Variants in MORN1 observed in about 807,000 individuals in gnomAD.
MORN1 encodes MORN repeat containing 1, also known as MORN repeat-containing protein 1.
MORN1 carries 67 observed loss-of-function variants against 61.9 expected under a neutral mutation model. The observed-to-expected ratio is 1.08, with a 90% CI of 0.89 to 1.33. The LOEUF is 1.33. Among genes scored for constraint, MORN1 ranks in the 40% most tolerant of loss-of-function variants. The pLI is 0.00. For synonymous variants in MORN1, 301 were observed against 292.0 expected, an observed-to-expected ratio of 1.03 and a Z score of -0.31; for missense variants, 752 against 691.2, an observed-to-expected ratio of 1.09 and a Z score of -0.99.
At chr1:2,381,302 C>T (rs918116470) in intron 6 of MORN1, among the ~76,000 whole-genome samples, 3 of 152,254 alleles carry the variant, frequency 2.0e-5, no homozygotes, top group Non-Finnish European at 4.4e-5. Flanking sequence ...GCGTCTACAT[C>T]GGTCTGGGCA....
At chr1:2,323,312 G>A in intron 13 of MORN1, 1 of 985,432 alleles carries the variant, frequency 1.0e-6, no homozygotes, top group Non-Finnish European at 1.2e-6. Context: ...GCCAGAGGCA[G>A]CTCCACGGTG....
At chr1:2,390,863 C>T (rs1438276550) in intron 1 of MORN1, 1 of 530,916 alleles carries the variant, frequency 1.9e-6, no homozygotes, top group Non-Finnish European at 2.4e-6. Context: ...ATTCTCCTGC[C>T]TCAGCCTCCC....
intron 10 of MORN1, among the ~76,000 whole-genome samples, chr1:2,348,358 C>T (rs1456236124): frequency 6.6e-6 from 1 of 152,216 alleles, no homozygotes; most frequent in Non-Finnish European, 1.5e-5. Context: ...TTTCACTGAC[C>T]CAGAACCAGT....
In MORN1 at chr1:2,372,385, C is replaced by T; in HGVS notation, c.745+96G>A. ...GAAGTCACTGCTGTGCCTCAGGAGC[C>T]ACATGCAACATCTCGTCCGCATCTT... On this transcript the variant is annotated intron_variant, in intron 8 of 13. Coordinates refer to ENST00000378531, the MANE Select transcript of MORN1 (RefSeq NM_024848.3). This position sits in a 1 kb window ranked among gnomAD's most constrained non-coding sequence, Gnocchi z 5.4. 2.1e-6 allele frequency: 2 copies of T among 936,910 alleles called. No individual in the cohort carries two copies. Among genetic ancestry groups the T allele is most frequent in the African/African-American group, 1.7e-5 (1 of 60,418 alleles). The allele number at this position is 936,910 out of a possible 1,614,324, so 58.0% of individuals were successfully genotyped here. A position where few individuals can be genotyped will look rare whatever the true frequency, so the allele number is the denominator to read the frequency against.
rs745669320 is a variant in MORN1, at chr1:2,385,049, C to G, written c.466G>C (p.Asp156His). 1.9e-6 allele frequency: 3 copies of G among 1,596,112 alleles called. No homozygotes were observed. The African/African-American group carries it at 4.0e-5, about 21-fold the overall frequency. The change falls in exon 6 of 14, where the codon GAC (aspartate) becomes CAC (histidine). Residue 156 changes from aspartate to histidine, a missense_variant. Asp to His is a moderately conservative substitution (Grantham distance 81). Transcript: ENST00000378531. ...QMLFQNGDKY[D>H]GDWVRDRRQG... ...CGCCGGTCCCGGACCCAGTCGCCGT[C>G]GTACTTGTCACCGTTCCTGGGGGAC...
chr1:2,380,823 TGA>T (rs1299708041), intron 6 of MORN1, among the ~76,000 whole-genome samples: 1 of 152,206 alleles, frequency 6.6e-6, no homozygotes, highest in African/African-American at 2.4e-5. Flanking sequence ...CCCAAAGTGC[TGA>T]GAGTACAGGT....
chr1:2,325,742 C>T (rs1453176968), intron 12 of MORN1, among the ~76,000 whole-genome samples: 1 of 151,466 alleles, frequency 6.6e-6, no homozygotes, highest in Non-Finnish European at 1.5e-5. Context: ...CAGACTCAAC[C>T]TCCCAAGTAG....
chr1:2,327,889 A>G (rs905347327), intron 12 of MORN1, among the ~76,000 whole-genome samples: 1 of 152,228 alleles, frequency 6.6e-6, no homozygotes, highest in African/African-American at 2.4e-5. Context: ...GCGTCCCCGC[A>G]TGAGCTCCTG....
chr1:2,363,809 A>AAACAAAC (rs1641945274), intron 8 of MORN1, among the ~76,000 whole-genome samples: 1 of 59,766 alleles, frequency 1.7e-5, no homozygotes, highest in Non-Finnish European at 3.4e-5. Flanking sequence ...AACAAACAAA[A>AAACAAAC]AAATATATAT....
chr1:2,387,917 C>T (rs1244777689), intron 3 of MORN1: 3 of 419,422 alleles, frequency 7.2e-6, no homozygotes, highest in East Asian at 7.9e-5. Context: ...CCTGGACACA[C>T]AGCTCCCGGC....
At chr1:2,348,622 C>CGCACGCACACACGCACCTGTGCAG (rs1641568665) in intron 10 of MORN1, among the ~76,000 whole-genome samples, 1 of 150,854 alleles carries the variant, frequency 6.6e-6, no homozygotes. Flanking sequence ...TAGGCAGGCA[C>CGCACGCACACACGCACCTGTGCAG]GCACGCACAC....
At chr1:2,335,941 ACCGG>A (rs1641264239) in intron 12 of MORN1, among the ~76,000 whole-genome samples, 1 of 151,654 alleles carries the variant, frequency 6.6e-6, no homozygotes, top group African/African-American at 2.4e-5. Context: ...TCCTGGTAGA[ACCGG>A]CCGGTTACGG....
At chr1:2,342,709 G>A (rs780771906) in intron 10 of MORN1, among the ~76,000 whole-genome samples, 17 of 152,006 alleles carry the variant, frequency 1.1e-4, no homozygotes, top group Non-Finnish European at 2.1e-4. Context: ...CAAGATCCAC[G>A]AGGAGGTGTA....
chr1:2,363,193 C>CA (rs1641928762), intron 8 of MORN1: 1 of 151,758 alleles, frequency 6.6e-6, no homozygotes, highest in Admixed American at 6.6e-5. Flanking sequence ...TTGGGACTGG[C>CA]AAAAAAGGTA....
intron 12 of MORN1, 22 bp from the exon 13 acceptor site, chr1:2,324,165 G>A: frequency 1.9e-6 from 3 of 1,586,192 alleles, no homozygotes; most frequent in Admixed American, 1.8e-5. Flanking sequence ...ACACAGTGAG[G>A]CCCCTGAATG....
rs890909723 is a variant in MORN1, at chr1:2,331,997, G to A, written c.1250+4472C>T. The A allele has an allele frequency of 1.4e-5, 2 of 139,192 alleles. 1 individual carries two copies. Among genetic ancestry groups the A allele is most frequent in the Admixed American group, 1.5e-4 (2 of 12,910 alleles). The allele number at this position is 139,192 out of a possible 1,614,324, so 8.6% of individuals were successfully genotyped here. On this transcript the variant is annotated intron_variant, in intron 12 of 13. Transcript: ENST00000378531. ...CCTCTCCCGCCCCTGCGCCTCTCCC[G>A]CCGCTGCGCCTCTCCCGCCGCTGCG... is the stretch of plus-strand genomic sequence containing the variant.
At chr1:2,369,873 T>C (rs1231454043) in intron 8 of MORN1, among the ~76,000 whole-genome samples, 1 of 152,200 alleles carries the variant, frequency 6.6e-6, no homozygotes, top group Non-Finnish European at 1.5e-5. Flanking sequence ...GTTCATGAGA[T>C]GGAGGCCTCA....
intron 8 of MORN1, among the ~76,000 whole-genome samples, chr1:2,367,413 A>C (rs1642020826): frequency 6.6e-6 from 1 of 151,362 alleles, no homozygotes; most frequent in African/African-American, 2.4e-5. Flanking sequence ...TGAGCCTGGG[A>C]GTTTGAGACC....
At chr1:2,382,333 C>G (rs1255529827) in intron 6 of MORN1, among the ~76,000 whole-genome samples, 1 of 152,130 alleles carries the variant, frequency 6.6e-6, no homozygotes, top group Non-Finnish European at 1.5e-5. Flanking sequence ...GGTGAGGGAG[C>G]CTGCCATCCT....
Sources: gnomAD v4.1 joint callset for allele counts (sites outside exome capture counted in the v4.1 genomes callset) on GRCh38, gnomAD v4.1.1 for gene constraint, Gnocchi (gnomAD v3.1) non-coding constraint, MANE v1.5 for transcripts, NCBI Gene and HGNC (gene_info 2026-07-23, HGNC 2026-07-21) for gene names.